MIIP: variants seen among roughly 807,000 people sequenced by gnomAD.
MIIP encodes migration and invasion inhibitory protein.
In MIIP, 44 loss-of-function variants were observed where a neutral mutation model predicts 44.8. The ratio of observed to expected loss-of-function variants is 0.98; its 90% confidence interval spans 0.77 to 1.26. The LOEUF is 1.26. Among genes scored for constraint, MIIP ranks in the 50% most tolerant of loss-of-function variants. MIIP has a pLI of 0.00. For missense variants in MIIP, 496 were observed against 511.7 expected (o/e 0.97, Z 0.30); for synonymous variants, 225 against 218.3 (o/e 1.03, Z -0.27).
chr1:12,031,245 T>C, intron 8 of MIIP, 21 bp from the exon 9 acceptor site: 3 of 1,609,412 alleles, frequency 1.9e-6, no homozygotes, highest in South Asian at 1.1e-5. Context: ...TCAGGCACTT[T>C]TAACTCCTTG....
chr1:12,029,966 TG>T lies in MIIP; in HGVS notation c.846-59del. 4 of 1,608,396 alleles carry T rather than the reference TG, an allele frequency of 2.5e-6. No homozygotes were observed. In the South Asian group the frequency reaches 4.4e-5, roughly 18 times the overall value. On this transcript the variant is annotated intron_variant, in intron 7 of 9. Transcript: ENST00000235332. Reference sequence around the variant, plus strand: ...CACTGGTTTTAAGAAAAGATGGGCCTGGGCGTGGGCCCCCAACCGCTGGGAG... The same window carrying T: ...CACTGGTTTTAAGAAAAGATGGGCCTGGCGTGGGCCCCCAACCGCTGGGAG...
rs769338211 is a variant in MIIP at position 12,030,160 on chromosome 1, C to T, written c.942+36C>T. The T allele has an allele frequency of 1.3e-5, 20 of 1,595,446 alleles. 1 individual carries two copies. In the Admixed American group the frequency reaches 2.8e-4, roughly 23 times the overall value. ...ACGTGGGGCTGGATGGTGATGAGGG[C>T]GGGGCTGGCTCAGACTGGCCCAGAT... On this transcript the variant is annotated intron_variant, in intron 8 of 9. Coordinates refer to ENST00000235332, the MANE Select transcript of MIIP (RefSeq NM_021933.4).
Position 12,031,522 on chromosome 1 carries a change from T to C in MIIP, c.1080+119T>C. On this transcript the variant is annotated intron_variant, in intron 9 of 9. Transcript: ENST00000235332. ...GGATTGAGGTGGGGAGGATGGAGCC[T>C]GGGAGTGTCTCTCTGCAGGGTCCAG... The C allele has an allele frequency of 2.6e-6, 4 of 1,561,694 alleles. No homozygotes were observed. The South Asian group carries it at 4.8e-5, about 19-fold the overall frequency.
rs1454802286 is a variant in MIIP, at chr1:12,031,759, G to C, written c.1118G>C (p.Trp373Ser). 1 of 1,613,972 alleles carries C rather than the reference G, an allele frequency of 6.2e-7. No individual in the cohort carries two copies. Among genetic ancestry groups the C allele is most frequent in the Non-Finnish European group, 8.5e-7 (1 of 1,179,952 alleles). Residue 373 changes from tryptophan (W) to serine (S), a missense_variant, in exon 10 of 10, where the codon TGG (tryptophan) becomes TCG (serine). Coordinates refer to ENST00000235332, the MANE Select transcript of MIIP (RefSeq NM_021933.4). ...PMQMLPPTPT[W>S]SVPQVPRPHV... ...CAGATGCTGCCCCCGACCCCGACCT[G>C]GTCAGTGCCCCAGGTCCCTCGGCCC... is the stretch of plus-strand genomic sequence containing the variant.
chr1:12,024,418 T>C (rs112564440), intron 4 of MIIP, among the ~76,000 whole-genome samples: 8 of 152,266 alleles, frequency 5.3e-5, no homozygotes, highest in African/African-American at 1.9e-4. Flanking sequence ...TTTACCACTT[T>C]AGCATTTTTT....
rs964729849 is a variant in MIIP at position 12,029,033 on chromosome 1, G to T, written c.548G>T (p.Gly183Val). The T allele has an allele frequency of 2.5e-6, 4 of 1,613,432 alleles. No individual in the cohort carries two copies. The African/African-American group carries it at 4.0e-5, about 16-fold the overall frequency. Residue 183 changes from glycine to valine, a missense_variant and splice_region_variant, in exon 5 of 10, where the codon GGG (glycine) becomes GTG (valine). Coordinates refer to ENST00000235332, the MANE Select transcript of MIIP (RefSeq NM_021933.4). Reference protein sequence around the residue: ...RPYLGYDWIAGSLDTSSSITS... With the variant: ...RPYLGYDWIAVSLDTSSSITS... ...CTGCCTGGTGCTTTGCCCACACCAG[G>T]GTCTCTGGACACCAGCTCTTCCATC...
chr1:12,031,498 G>T (rs1414022438), intron 9 of MIIP, 95 bp downstream of exon 9: 78 of 1,563,140 alleles, frequency 5.0e-5, no homozygotes, highest in South Asian at 3.0e-4. Context: ...TGGGGGGTAG[G>T]ATTGAGGTGG....
rs988592824 is a variant in MIIP at position 12,022,888 on chromosome 1, G to A, written c.518G>A (p.Arg173Lys). 5 of 1,610,346 alleles carry A rather than the reference G, an allele frequency of 3.1e-6. No individual in the cohort carries two copies. The highest frequency in any genetic ancestry group is 4.2e-6 in the Non-Finnish European group (5 of 1,178,246). The part of the protein sequence containing the change: ...SAVPKRSWRL[R>K]PYLGYDWIAG... ...GTTCCTAAGAGGAGCTGGCGCCTCAGGCCATACCTGGGCTATGACTGGATT... is the reference window on the plus strand; with the variant it reads ...GTTCCTAAGAGGAGCTGGCGCCTCAAGCCATACCTGGGCTATGACTGGATT... Residue 173 changes from arginine to lysine, a missense_variant, in exon 4 of 10, where the codon AGG (arginine) becomes AAG (lysine). By Grantham distance (26) the Arg-to-Lys change is conservative. Coordinates refer to ENST00000235332, the MANE Select transcript of MIIP (RefSeq NM_021933.4).
intron 4 of MIIP, among the ~76,000 whole-genome samples, chr1:12,025,150 C>G (rs542382392): frequency 2.4e-4 from 35 of 148,676 alleles, no homozygotes; most frequent in Non-Finnish European, 4.6e-4. Flanking sequence ...ACCTTCACCT[C>G]CCGGGTTCGA....
chr1:12,029,471 C>A, intron 6 of MIIP, 190 bp downstream of exon 6: 1 of 727,180 alleles, frequency 1.4e-6, no homozygotes, highest in Non-Finnish European at 2.2e-6. Context: ...GAGCTAAGGC[C>A]TGGCCACCGA....
chr1:12,022,851 G>T lies in MIIP; in HGVS notation c.481G>T (p.Glu161Ter), dbSNP rs1640012480. 6.2e-7 allele frequency: 1 copy of T among 1,607,102 alleles called. No homozygotes were observed. Among genetic ancestry groups the T allele is most frequent in the Non-Finnish European group, 8.5e-7 (1 of 1,176,470 alleles). Residue 161 changes from glutamate to a stop codon, truncating the protein, a stop_gained, in exon 4 of 10, where the codon GAG (glutamate) becomes TAG (stop). Transcript: ENST00000235332. LOFTEE classifies it high-confidence loss of function. Reference protein sequence around the residue: ...KLSKPRVTFSEESAVPKRSWR... With the variant: ...KLSKPRVTFS The stretch of plus-strand genomic sequence containing the variant: ...TCCTCAGCCCAGGGTGACCTTCTCT[G>T]AGGAGTCTGCAGTTCCTAAGAGGAG...
chr1:12,021,447 C>A (rs1035536890), intron 1 of MIIP, among the ~76,000 whole-genome samples, 198 bp from the exon 2 acceptor site: 4 of 152,078 alleles, frequency 2.6e-5, no homozygotes, highest in Admixed American at 2.6e-4. Context: ...CAAATGTTGT[C>A]CAGGCTTAAC....
chr1:12,029,373 G>A (rs1171690760), intron 6 of MIIP, 92 bp downstream of exon 6: 1 of 1,394,892 alleles, frequency 7.2e-7, no homozygotes. Flanking sequence ...TTGAGGTTTG[G>A]GGCCTGGGGA....
chr1:12,021,042 T>C (rs1265042478), intron 1 of MIIP, among the ~76,000 whole-genome samples: 1 of 151,992 alleles, frequency 6.6e-6, no homozygotes, highest in East Asian at 1.9e-4. Context: ...TCTCCTGGGC[T>C]AAAGCTATCC....
At chr1:12,020,386 A>G (rs1283534412) in intron 1 of MIIP, among the ~76,000 whole-genome samples, 1 of 152,234 alleles carries the variant, frequency 6.6e-6, no homozygotes, top group Non-Finnish European at 1.5e-5. Context: ...GCAGTGAGCC[A>G]AGAAAAAAAG....
At chr1:12,031,542 G>T in intron 9 of MIIP, 139 bp downstream of exon 9, 8 of 1,575,170 alleles carry the variant, frequency 5.1e-6, no homozygotes, top group Non-Finnish European at 6.0e-6. Context: ...TCTCTGCAGG[G>T]TCCAGCCCTC....
At chr1:12,030,872 G>A (rs1418296991) in intron 8 of MIIP, among the ~76,000 whole-genome samples, 3 of 152,104 alleles carry the variant, frequency 2.0e-5, no homozygotes, top group Admixed American at 6.5e-5. Flanking sequence ...GGCAGCTGGG[G>A]TCAGAGGAGG....
In MIIP at chr1:12,031,317, G is replaced by A; in HGVS notation, c.994G>A (p.Ala332Thr). Residue 332 changes from alanine (A) to threonine (T), a missense_variant, in exon 9 of 10, where the codon GCC (alanine) becomes ACC (threonine). Physicochemically the swap from Ala to Thr is moderately conservative, Grantham distance 58. Transcript: ENST00000235332. ...IFPPKSEKSS[A>T]PRNLDLWSSV... ...TCCTCCGAAGTCTGAGAAAAGCTCA[G>A]CCCCCAGGAACCTGGACCTCTGGTC... The A allele has an allele frequency of 1.2e-6, 2 of 1,613,978 alleles. No individual in the cohort carries two copies. The highest frequency in any genetic ancestry group is 1.7e-6 in the Non-Finnish European group (2 of 1,179,934).
At chr1:12,027,728 C>T (rs1557552305) in intron 4 of MIIP, among the ~76,000 whole-genome samples, 1 of 152,216 alleles carries the variant, frequency 6.6e-6, no homozygotes, top group Non-Finnish European at 1.5e-5. Context: ...GTATATCCCA[C>T]TGTCTTCTCC....
Sources: allele counts gnomAD v4.1 joint callset (sites outside exome capture counted in the v4.1 genomes callset), GRCh38; gene constraint gnomAD v4.1.1; transcripts MANE v1.5; gene names NCBI Gene and HGNC (gene_info 2026-07-23, HGNC 2026-07-21).